Variants in PBX1 observed in about 807,000 individuals in gnomAD.
PBX1 encodes the protein PBX homeobox 1, also known as pre-B-cell leukemia transcription factor 1.
A neutral mutation model predicts 53.4 loss-of-function variants in PBX1; 6 were observed. The ratio of observed to expected loss-of-function variants is 0.11; its 90% CI spans 0.06 to 0.22. PBX1 has a LOEUF of 0.22. Ranked by LOEUF, PBX1 falls within the 10% of genes least tolerant of loss-of-function variation. PBX1 has a pLI of 1.00. For missense variants in PBX1, 251 were observed against 551.4 expected, an observed-to-expected ratio of 0.46 and a Z score of 5.46; for synonymous variants, 204 against 212.3, an observed-to-expected ratio of 0.96 and a Z score of 0.34.
intron 2 of PBX1, chr1:164,641,787 A>G (rs1413873859): frequency 6.6e-6 from 1 of 152,226 alleles, no homozygotes. Flanking sequence ...AAATGGTGTG[A>G]ACATCTGGAT....
intron 8 of PBX1, among the ~76,000 whole-genome samples, chr1:164,833,475 C>T (rs1195033864): frequency 1.3e-5 from 2 of 152,196 alleles, no homozygotes; most frequent in Non-Finnish European, 2.9e-5. Flanking sequence ...AGTGGGCAAA[C>T]ATCTCATAAG....
At chr1:164,826,303 G>C (rs1045783434) in intron 8 of PBX1, among the ~76,000 whole-genome samples, 30 of 152,270 alleles carry the variant, frequency 2.0e-4, no homozygotes, top group African/African-American at 7.2e-4. Context: ...AAATGGGAAG[G>C]AAGAAGTGCT....
intron 2 of PBX1, among the ~76,000 whole-genome samples, chr1:164,649,585 C>G (rs938237565): frequency 2.0e-5 from 3 of 152,158 alleles, no homozygotes; most frequent in African/African-American, 7.2e-5. Context: ...GGCCACTTGG[C>G]TTCCTAGATT....
At chr1:164,879,212 G>C (rs1026711569) in intron 2 of PBX1, among the ~76,000 whole-genome samples, 2 of 136,140 alleles carry the variant, frequency 1.5e-5, no homozygotes, top group Non-Finnish European at 3.4e-5. Flanking sequence ...TTTTAATTCA[G>C]TTCAGGTGAA....
chr1:164,584,456 G>A (rs1168943975), intron 2 of PBX1, among the ~76,000 whole-genome samples: 1 of 152,138 alleles, frequency 6.6e-6, no homozygotes, highest in African/African-American at 2.4e-5. Flanking sequence ...GTGATGTGTC[G>A]AGAATTAGAA....
intron 2 of PBX1, among the ~76,000 whole-genome samples, chr1:164,877,983 A>C (rs990851501): frequency 2.6e-5 from 4 of 152,184 alleles, no homozygotes; most frequent in Non-Finnish European, 5.9e-5. Context: ...GGAATCCTGC[A>C]CTATATACTC....
chr1:164,612,428 A>G (rs1270187764), intron 2 of PBX1, among the ~76,000 whole-genome samples: 6 of 152,162 alleles, frequency 3.9e-5, no homozygotes, highest in African/African-American at 1.2e-4. Context: ...TTTGTCTTCT[A>G]GGCTAGCGTT....
At chr1:164,563,155 G>T (rs1032248418) in intron 1 of PBX1, 83 bp from the exon 2 acceptor site, 15 of 930,714 alleles carry the variant, frequency 1.6e-5, no homozygotes, top group African/African-American at 1.5e-4. Context: ...TTGTCTAAAT[G>T]TTCAAATGTT....
Position 164,833,945 on chromosome 1 carries a change from A to C in PBX1, c.1200+12319A>C, listed in dbSNP as rs145401023. Among the ~76,000 whole-genome samples the C allele has an allele frequency of 6.5e-3, 817 of 126,224 alleles. 7 individuals are homozygous for C. The highest frequency in any genetic ancestry group is 0.023 in the African/African-American group (748 of 33,136). The allele number at this position is 126,224 out of a possible 152,430, so 82.8% of individuals were successfully genotyped here. A position where few individuals can be genotyped will look rare whatever the true frequency, so the allele number is the denominator to read the frequency against. On this transcript the variant is annotated intron_variant, in intron 8 of 8. Coordinates refer to ENST00000420696, the MANE Select transcript of PBX1 (RefSeq NM_002585.4). ...GGTACCCATCTTTTACCTCCAACTTATTTATATTGCATACCCTATAATTTT... is the reference window on the plus strand; with the variant it reads ...GGTACCCATCTTTTACCTCCAACTTCTTTATATTGCATACCCTATAATTTT...
At chr1:164,626,462 T>C (rs1658052224) in intron 2 of PBX1, among the ~76,000 whole-genome samples, 1 of 152,146 alleles carries the variant, frequency 6.6e-6, no homozygotes, top group Non-Finnish European at 1.5e-5. Flanking sequence ...GGAATCGGTG[T>C]ATGGACTGTT....
intron 2 of PBX1, among the ~76,000 whole-genome samples, chr1:164,646,340 G>A (rs1659450993): frequency 6.6e-6 from 1 of 152,184 alleles, no homozygotes; most frequent in South Asian, 2.1e-4. Context: ...TTTAGGTACT[G>A]AATCAGTAGT....
At chr1:164,756,546 A>C (rs1666536037) in intron 2 of PBX1, among the ~76,000 whole-genome samples, 2 of 152,234 alleles carry the variant, frequency 1.3e-5, no homozygotes, top group Non-Finnish European at 2.9e-5. Context: ...AAGGAATGCT[A>C]ACATTGCATA....
chr1:164,733,356 A>G (rs922244457), intron 2 of PBX1, among the ~76,000 whole-genome samples: 2 of 152,106 alleles, frequency 1.3e-5, no homozygotes, highest in African/African-American at 2.4e-5. Flanking sequence ...TGCTTGATGG[A>G]CCATGGAACC....
At chr1:164,830,327 G>A (rs1571490112) in intron 8 of PBX1, among the ~76,000 whole-genome samples, 2 of 152,114 alleles carry the variant, frequency 1.3e-5, no homozygotes, top group East Asian at 3.9e-4. Context: ...CCACCAAAGT[G>A]GGGTGACGGT....
chr1:164,566,459 C>G (rs964563047), intron 2 of PBX1, among the ~76,000 whole-genome samples: 1 of 152,142 alleles, frequency 6.6e-6, no homozygotes, highest in Non-Finnish European at 1.5e-5. Context: ...TTTATCTGCT[C>G]GCTCATTCTA....
At chr1:164,678,493 A>G (rs1429733761) in intron 2 of PBX1, among the ~76,000 whole-genome samples, 1 of 152,202 alleles carries the variant, frequency 6.6e-6, no homozygotes, top group African/African-American at 2.4e-5. Context: ...TGATGAGCAG[A>G]GCCATTGGCC....
At chr1:164,818,373 C>G (rs1032243638) in intron 6 of PBX1, 19 of 152,278 alleles carry the variant, frequency 1.2e-4, no homozygotes, top group African/African-American at 4.6e-4. Context: ...TTGCTAAGGC[C>G]CTACCTTTCT....
chr1:164,624,008 TGGG>T (rs1426485657), intron 2 of PBX1, among the ~76,000 whole-genome samples: 2 of 152,086 alleles, frequency 1.3e-5, no homozygotes, highest in Non-Finnish European at 2.9e-5. Context: ...AAGTGTGTAT[TGGG>T]GGTGTGAATG....
downstream of PBX1, among the ~76,000 whole-genome samples, chr1:164,855,910 T>C (rs1336525605): frequency 6.6e-6 from 1 of 152,226 alleles, no homozygotes; most frequent in Non-Finnish European, 1.5e-5. Context: ...ATGGGTCCTC[T>C]CCAGTCCACA....
Sources: allele counts gnomAD v4.1 joint callset (sites outside exome capture counted in the v4.1 genomes callset), GRCh38; gene constraint gnomAD v4.1.1; transcripts MANE v1.5; gene names NCBI Gene and HGNC (gene_info 2026-07-23, HGNC 2026-07-21).